The following CSNK2A1 variants were observed in gnomAD, a reference collection of about 807,000 sequenced individuals.
The protein encoded by CSNK2A1 is casein kinase II subunit alpha.
Under a neutral mutation model 62.9 loss-of-function variants are expected in CSNK2A1, and 10 were observed. The ratio of observed to expected loss-of-function variants is 0.16; its 90% CI spans 0.10 to 0.27. The LOEUF is 0.27. CSNK2A1 is among the 10% of genes least tolerant of loss of function. The pLI, the probability that CSNK2A1 is intolerant of heterozygous loss-of-function variation, is 1.00. For synonymous variants in CSNK2A1, 124 were observed against 167.8 expected (o/e 0.74, Z 2.02); for missense variants, 160 against 492.0 (o/e 0.33, Z 6.38).
intron 2 of CSNK2A1, among the ~76,000 whole-genome samples, chr20:525,565 G>A (rs2019064408): frequency 6.6e-6 from 1 of 150,900 alleles, no homozygotes; most frequent in Non-Finnish European, 1.5e-5. Context: ...GCAAGAGAAT[G>A]GCGTGAACCC....
intron 9 of CSNK2A1, 34 bp from the exon 10 acceptor site, chr20:489,915 G>T: frequency 6.6e-7 from 1 of 1,510,170 alleles, no homozygotes; most frequent in Non-Finnish European, 9.0e-7. Context: ...TATTATCTGT[G>T]AATCCTCAGG....
At chr20:494,329 C>T (rs766632200) in intron 8 of CSNK2A1, 7 of 152,088 alleles carry the variant, frequency 4.6e-5, no homozygotes, top group African/African-American at 9.7e-5. Context: ...AGCTTTTCCC[C>T]CCAATTTTAA....
chr20:518,930 A>G lies in CSNK2A1; in HGVS notation c.-110+9003T>C, dbSNP rs577344509. On this transcript the variant is annotated intron_variant, in intron 2 of 13. Transcript: ENST00000217244. ...GAAAAATATAGTGAAATCGTTGGAT[A>G]TACTTTTTTTTTTTTTTTTTTTTGC... Among the ~76,000 whole-genome samples, 12 of 146,194 alleles carry G rather than the reference A, an allele frequency of 8.2e-5. No homozygotes were observed. In the East Asian group the frequency reaches 2.2e-3, roughly 27 times the overall value.
intron 13 of CSNK2A1, among the ~76,000 whole-genome samples, chr20:485,085 A>T (rs2018046186): frequency 3.6e-4 from 13 of 35,894 alleles, no homozygotes; most frequent in African/African-American, 9.9e-4. Flanking sequence ...AAAAAAAAAA[A>T]AAAAAAAAAA....
At chr20:522,121 T>C (rs887671790) in intron 2 of CSNK2A1, among the ~76,000 whole-genome samples, 5 of 152,212 alleles carry the variant, frequency 3.3e-5, no homozygotes, top group African/African-American at 4.8e-5. Flanking sequence ...GAGAACCCTA[T>C]TGTGAACTGC....
chr20:534,299 A>G (rs1233943081), intron 1 of CSNK2A1, among the ~76,000 whole-genome samples: 1 of 152,248 alleles, frequency 6.6e-6, no homozygotes, highest in African/African-American at 2.4e-5. Flanking sequence ...TTAACAGCCT[A>G]TCCAAAACAC....
intron 1 of CSNK2A1, chr20:539,087 G>A (rs1289067060): frequency 6.6e-6 from 1 of 152,134 alleles, no homozygotes; most frequent in African/African-American, 2.4e-5. Flanking sequence ...TTGTTCTCTA[G>A]AAAATGATAT....
In CSNK2A1 at chr20:479,457, G is replaced by A. The variant is rs868454471; in HGVS notation, c.*4504C>T. The A allele has an allele frequency of 6.6e-6, 1 of 152,154 alleles. No individual in the cohort carries two copies. The highest frequency in any genetic ancestry group is 2.4e-5 in the African/African-American group (1 of 41,412). The allele number at this position is 152,154 out of a possible 1,614,324, so 9.4% of individuals were successfully genotyped here. A position where few individuals can be genotyped will look rare whatever the true frequency, so the allele number is the denominator to read the frequency against. On this transcript the variant is annotated 3_prime_UTR_variant, in exon 14 of 14. Transcript: ENST00000217244. ...GTATTGGCAATGGAAATTCAACTTG[G>A]GTGGTAGGATTATGGATGTGTTACA... is the stretch of plus-strand genomic sequence containing the variant.
At chr20:513,793 G>A (rs924398630) in intron 2 of CSNK2A1, among the ~76,000 whole-genome samples, 2 of 152,116 alleles carry the variant, frequency 1.3e-5, no homozygotes, top group Non-Finnish European at 2.9e-5. Context: ...CATCAACTGG[G>A]ACCTAATTTA....
chr20:525,370 C>T (rs1279660606), intron 2 of CSNK2A1, among the ~76,000 whole-genome samples: 2 of 151,466 alleles, frequency 1.3e-5, no homozygotes, highest in Non-Finnish European at 2.9e-5. Context: ...TTTTAAAAAT[C>T]GGCTGGGCGC....
chr20:510,044 G>C (rs553580312), intron 2 of CSNK2A1: 3 of 152,392 alleles, frequency 2.0e-5, no homozygotes, highest in Non-Finnish European at 4.4e-5. Flanking sequence ...CCATACTGCA[G>C]GAGGTGGAGG....
intron 1 of CSNK2A1, among the ~76,000 whole-genome samples, chr20:531,928 T>C (rs1263810447): frequency 1.3e-5 from 2 of 152,212 alleles, no homozygotes; most frequent in African/African-American, 2.4e-5. Flanking sequence ...AAATAAGAAC[T>C]TGAATTTCTT....
intron 2 of CSNK2A1, among the ~76,000 whole-genome samples, chr20:512,066 T>C (rs1352022652): frequency 1.3e-5 from 2 of 152,136 alleles, no homozygotes; most frequent in Non-Finnish European, 2.9e-5. Flanking sequence ...TTTTTGCTTG[T>C]TTTTATAGAG....
chr20:518,409 A>G lies in CSNK2A1; in HGVS notation c.-110+9524T>C, dbSNP rs2018871039. 2.0e-5 allele frequency among the ~76,000 whole-genome samples: 3 copies of G among 152,330 alleles called. No homozygotes were observed. The South Asian group carries it at 6.2e-4, about 32-fold the overall frequency. The stretch of plus-strand genomic sequence containing the variant: ...GAGGAATTAAAGCCCTACTGAAGGG[A>G]ATATCATATCTTAAGCTTGTTTTAA... On this transcript the variant is annotated intron_variant, in intron 2 of 13. Transcript: ENST00000217244.
At chr20:537,216 A>C (rs1262437008) in intron 1 of CSNK2A1, among the ~76,000 whole-genome samples, 1 of 152,228 alleles carries the variant, frequency 6.6e-6, no homozygotes, top group Non-Finnish European at 1.5e-5. Context: ...ACACATAAAA[A>C]ATTATAAAAC....
rs1366848017 is a variant in CSNK2A1 at position 475,633 on chromosome 20, T to G, written c.*8328A>C. ...AATAAGACTAAACATACACACCCTT[T>G]GCCATATAACCTCATAAAGTTTTCC... On this transcript the variant is annotated 3_prime_UTR_variant, in exon 14 of 14. Transcript: ENST00000217244. 1.3e-5 allele frequency: 2 copies of G among 152,058 alleles called. No homozygotes were observed. Among genetic ancestry groups the G allele is most frequent in the Non-Finnish European group, 2.9e-5 (2 of 68,040 alleles). 9.4% of individuals were successfully genotyped at this position (152,058 alleles called of 1,614,324 possible).
chr20:543,677 G>T lies in CSNK2A1; in HGVS notation c.-232C>A, dbSNP rs778484029. 5.0e-6 allele frequency: 2 copies of T among 398,162 alleles called. No homozygotes were observed. The highest frequency in any genetic ancestry group is 8.8e-6 in the Non-Finnish European group (2 of 226,046). 24.7% of individuals were successfully genotyped at this position (398,162 alleles called of 1,614,324 possible). On this transcript the variant is annotated 5_prime_UTR_variant, in exon 1 of 14. Transcript: ENST00000217244. Reference sequence around the variant, plus strand: ...CCTGGCTGCTCCCTAGGTACCTGTGGTGGAAGCGGCAGCGGCGGCGGCCGC... The same window carrying T: ...CCTGGCTGCTCCCTAGGTACCTGTGTTGGAAGCGGCAGCGGCGGCGGCCGC...
rs1268955181 is a variant in CSNK2A1 at position 478,639 on chromosome 20, C to A, written c.*5322G>T. 1 of 433,994 alleles carries A rather than the reference C, an allele frequency of 2.3e-6. No homozygotes were observed. The allele number at this position is 433,994 out of a possible 1,614,324, so 26.9% of individuals were successfully genotyped here. Reference sequence around the variant, plus strand: ...TTCTCACATTGAGGCCAATAAGAATCCCTAGTGGGCCAGGTGTGGTGGCTC... The same window carrying A: ...TTCTCACATTGAGGCCAATAAGAATACCTAGTGGGCCAGGTGTGGTGGCTC... On this transcript the variant is annotated 3_prime_UTR_variant, in exon 14 of 14. Transcript: ENST00000217244.
At chr20:490,858 T>C (rs911590350) in intron 9 of CSNK2A1, among the ~76,000 whole-genome samples, 2 of 147,206 alleles carry the variant, frequency 1.4e-5, no homozygotes, top group African/African-American at 5.1e-5. Flanking sequence ...TCAGCTAATA[T>C]ACATACTATT....
Sources: gnomAD v4.1 joint callset for allele counts (sites outside exome capture counted in the v4.1 genomes callset) on GRCh38, gnomAD v4.1.1 for gene constraint, MANE v1.5 for transcripts, NCBI Gene and HGNC (gene_info 2026-07-23, HGNC 2026-07-21) for gene names.